Variants in ZNF385D observed in about 807,000 individuals in gnomAD.
ZNF385D encodes the protein zinc finger protein 385D, also known as zinc finger protein 659.
A neutral mutation model predicts 35.8 loss-of-function variants in ZNF385D; 15 were observed. That is an observed-to-expected ratio of 0.42 (90% CI 0.28 to 0.64). ZNF385D has a LOEUF of 0.64. Among genes scored for constraint, ZNF385D ranks in the 30% least tolerant of loss-of-function variants. The pLI is 0.23. For missense variants in ZNF385D, 474 were observed against 494.6 expected (o/e 0.96, Z 0.39); for synonymous variants, 212 against 186.8 (o/e 1.13, Z -1.10).
chr3:21,913,153 G>C (rs142839693), intron 3 of ZNF385D, among the ~76,000 whole-genome samples: 16 of 152,182 alleles, frequency 1.1e-4, no homozygotes, highest in Non-Finnish European at 1.9e-4. Flanking sequence ...TAATTTGCTA[G>C]TTCTTCAACA....
intron 3 of ZNF385D, among the ~76,000 whole-genome samples, chr3:22,083,604 G>C (rs970582407): frequency 6.6e-6 from 1 of 152,200 alleles, no homozygotes; most frequent in African/African-American, 2.4e-5. Context: ...ATCTATGTCT[G>C]ATTGGTGTAC....
chr3:22,101,771 A>T (rs558005731), intron 3 of ZNF385D, among the ~76,000 whole-genome samples: 15 of 152,204 alleles, frequency 9.9e-5, no homozygotes, highest in African/African-American at 3.4e-4. Flanking sequence ...CCAAAAGAAG[A>T]TGAAATCAAA....
At chr3:22,140,768 A>C (rs1015871768) in intron 3 of ZNF385D, among the ~76,000 whole-genome samples, 1 of 152,240 alleles carries the variant, frequency 6.6e-6, no homozygotes, top group Non-Finnish European at 1.5e-5. Flanking sequence ...GAAAATTTGA[A>C]TCAATATAAA....
At chr3:22,240,184 A>AG (rs1491495772) in intron 2 of ZNF385D, among the ~76,000 whole-genome samples, 1 of 75,610 alleles carries the variant, frequency 1.3e-5, no homozygotes, top group African/African-American at 7.2e-5. Flanking sequence ...CCCTGTCTCC[A>AG]AAAAAAAAAA....
chr3:22,295,059 G>A (rs1559503997), intron 2 of ZNF385D, among the ~76,000 whole-genome samples: 1 of 152,044 alleles, frequency 6.6e-6, no homozygotes, highest in Non-Finnish European at 1.5e-5. Flanking sequence ...GCCCATTAAT[G>A]TCTATTATTA....
chr3:21,720,061 C>T (rs2068477346), intron 1 of ZNF385D, among the ~76,000 whole-genome samples: 1 of 152,096 alleles, frequency 6.6e-6, no homozygotes, highest in Non-Finnish European at 1.5e-5. Context: ...AGTGTGGGAT[C>T]TTGAAAAAAT....
At chr3:22,113,606 A>T (rs1702651529) in intron 3 of ZNF385D, among the ~76,000 whole-genome samples, 1 of 152,120 alleles carries the variant, frequency 6.6e-6, no homozygotes. Context: ...TGACTGAGAC[A>T]ATGAGCAGCA....
At chr3:21,524,824 T>C (rs569372664) in intron 3 of ZNF385D, among the ~76,000 whole-genome samples, 40 of 152,284 alleles carry the variant, frequency 2.6e-4, no homozygotes, top group African/African-American at 9.1e-4. Flanking sequence ...GGGGTATTAA[T>C]CAAGGGCTGA....
chr3:21,744,500 T>G (rs2069670330), intron 1 of ZNF385D, among the ~76,000 whole-genome samples: 1 of 152,190 alleles, frequency 6.6e-6, no homozygotes, highest in Non-Finnish European at 1.5e-5. Flanking sequence ...GAGACCTTCC[T>G]AAACATTTTC....
intron 3 of ZNF385D, among the ~76,000 whole-genome samples, chr3:22,098,432 G>A (rs1218457246): frequency 1.3e-5 from 2 of 152,046 alleles, no homozygotes; most frequent in Admixed American, 1.3e-4. Context: ...TGGGAGAGGG[G>A]AAGATTTTCC....
intron 3 of ZNF385D, among the ~76,000 whole-genome samples, chr3:22,149,400 T>C (rs555701925): frequency 6.6e-6 from 1 of 152,314 alleles, no homozygotes; most frequent in African/African-American, 2.4e-5. Context: ...GTTAAAATTA[T>C]TGCTTCTGAT....
At chr3:22,246,406 T>C (rs1225402900) in intron 2 of ZNF385D, among the ~76,000 whole-genome samples, 1 of 152,006 alleles carries the variant, frequency 6.6e-6, no homozygotes, top group Non-Finnish European at 1.5e-5. Flanking sequence ...CATCAGCAAA[T>C]ATGAATTGAG....
chr3:22,306,529 A>C (rs1264907466), intron 2 of ZNF385D, among the ~76,000 whole-genome samples: 1 of 152,086 alleles, frequency 6.6e-6, no homozygotes. Flanking sequence ...AACAACCTTC[A>C]TAATCAAGAG....
chr3:21,954,244 C>A (rs961504937), intron 3 of ZNF385D, among the ~76,000 whole-genome samples: 2 of 151,964 alleles, frequency 1.3e-5, no homozygotes, highest in Admixed American at 1.3e-4. Flanking sequence ...ACTTCAATGC[C>A]TGAATATTCC....
Position 21,484,625 on chromosome 3 carries a change from C to A in ZNF385D, c.439+26236G>T, listed in dbSNP as rs116110436. 3.4e-3 allele frequency among the ~76,000 whole-genome samples: 520 copies of A among 152,192 alleles called. 6 individuals carry two copies. Among genetic ancestry groups the A allele is most frequent in the African/African-American group, 0.012 (502 of 41,526 alleles). On this transcript the variant is annotated intron_variant, in intron 4 of 7. Transcript: ENST00000281523. ...TCCTGCCCTGCAGTTTTACCAGTGC[C>A]CTTTGGAGGGGGGACTGCCTCTGCT...
Position 21,659,551 on chromosome 3 carries a change from C to T in ZNF385D, c.165+5335G>A, listed in dbSNP as rs190721339. Among the ~76,000 whole-genome samples, 60 of 152,102 alleles carry T rather than the reference C, an allele frequency of 3.9e-4. 1 individual carries two copies. The highest frequency in any genetic ancestry group is 1.2e-3 in the South Asian group (6 of 4,816). ...TGAGCAATGTCATACAAGGAAGGCT[C>T]GTAGCATTTCTGGAAGCTAAAATAT... On this transcript the variant is annotated intron_variant, in intron 2 of 7. Transcript: ENST00000281523.
At chr3:22,044,334 G>C in intron 3 of ZNF385D, among the ~76,000 whole-genome samples, 1 of 152,040 alleles carries the variant, frequency 6.6e-6, no homozygotes, top group East Asian at 1.9e-4. Context: ...CTAATGTTTA[G>C]TACATGTCCT....
At chr3:22,338,695 CTCA>C (rs1287692128) in intron 2 of ZNF385D, among the ~76,000 whole-genome samples, 2 of 141,188 alleles carry the variant, frequency 1.4e-5, no homozygotes, top group East Asian at 2.0e-4. Context: ...ACATATTCAT[CTCA>C]TTTTTTTTTT....
intron 4 of ZNF385D, among the ~76,000 whole-genome samples, chr3:21,475,807 A>G (rs959239350): frequency 1.1e-4 from 16 of 152,238 alleles, no homozygotes; most frequent in African/African-American, 3.6e-4. Context: ...TTAAATTTTG[A>G]GTTTAAAGTA....
Sources: gnomAD v4.1 joint callset for allele counts (sites outside exome capture counted in the v4.1 genomes callset) on GRCh38, gnomAD v4.1.1 for gene constraint, MANE v1.5 for transcripts, NCBI Gene and HGNC (gene_info 2026-07-23, HGNC 2026-07-21) for gene names.